The following CDH7 variants were observed in gnomAD, a reference collection of about 807,000 sequenced individuals.
The protein encoded by CDH7 is cadherin 7, also known as cadherin-7.
A neutral mutation model predicts 71.8 loss-of-function variants in CDH7; 25 were observed. The observed-to-expected ratio is 0.35, with a 90% CI of 0.25 to 0.49. The LOEUF (loss-of-function observed/expected upper bound fraction) is 0.49. Ranked by LOEUF, CDH7 falls within the 20% of genes least tolerant of loss-of-function variation. The probability of loss-of-function intolerance (pLI) is 0.99; values close to 1 mark genes in which losing one functional copy is unlikely to be tolerated. For missense variants in CDH7, 862 were observed against 974.6 expected (o/e 0.88, Z 1.54); for synonymous variants, 381 against 363.8 (o/e 1.05, Z -0.54).
At chr18:65,762,473 A>G (rs142460763) in intron 1 of CDH7, among the ~76,000 whole-genome samples, 174 bp from the exon 2 acceptor site, 2 of 152,242 alleles carry the variant, frequency 1.3e-5, no homozygotes, top group East Asian at 3.9e-4. Context: ...ATATCAATGT[A>G]TATTATAATT....
chr18:65,822,963 A>G (rs981266628), intron 5 of CDH7, among the ~76,000 whole-genome samples: 1 of 151,770 alleles, frequency 6.6e-6, no homozygotes, highest in Non-Finnish European at 1.5e-5. Context: ...CCCTAAGTGT[A>G]TGTGTTATTT....
rs1345213402 is a variant in CDH7, at chr18:65,822,118, G to A, written c.663G>A (p.Glu221=). The A allele has an allele frequency of 3.1e-6, 5 of 1,613,100 alleles. No homozygotes were observed. The highest frequency in any genetic ancestry group is 2.2e-5 in the East Asian group (1 of 44,826). ...CTGCCCTTCCAAACATGGATAGAGA[G>A]GCTAAAGACCAGTATTTGCTTGTCA... The part of the protein sequence containing the change: ...IKTALPNMDR[E]AKDQYLLVIQ... The change falls in exon 5 of 12, where the codon GAG becomes GAA. Residue 221 remains glutamate, a synonymous_variant. Transcript: ENST00000397968.
chr18:65,866,958 T>C (rs892599576), intron 11 of CDH7, among the ~76,000 whole-genome samples: 3 of 152,038 alleles, frequency 2.0e-5, no homozygotes, highest in Admixed American at 6.6e-5. Context: ...CATCATAAAA[T>C]AATCAATTAG....
intron 6 of CDH7, among the ~76,000 whole-genome samples, chr18:65,825,988 G>A (rs940445749): frequency 5.3e-5 from 8 of 151,654 alleles, no homozygotes; most frequent in African/African-American, 1.9e-4. Context: ...CAAATTGAAA[G>A]TTTTTATTGA....
chr18:65,865,966 G>A (rs1913738939), intron 11 of CDH7: 1 of 152,108 alleles, frequency 6.6e-6, no homozygotes, highest in African/African-American at 2.4e-5. Context: ...TGAGGAGGTG[G>A]AGATGGGGAA....
At chr18:65,781,600 T>TA (rs1487023984) in intron 2 of CDH7, among the ~76,000 whole-genome samples, 3 of 152,132 alleles carry the variant, frequency 2.0e-5, no homozygotes, top group Non-Finnish European at 4.4e-5. Flanking sequence ...ATAATACATG[T>TA]AATTCAAATC....
chr18:65,808,387 G>T lies in CDH7; in HGVS notation c.211-1317G>T, dbSNP rs1013136027. ...GACAGTTAAATAATTCACAATAGTT[G>T]AAGAACACACCTTTTCCCTACACTG... is the stretch of plus-strand genomic sequence containing the variant. On this transcript the variant is annotated intron_variant, in intron 2 of 11. Transcript: ENST00000397968. Among the ~76,000 whole-genome samples the T allele has an allele frequency of 8.5e-5, 13 of 152,130 alleles. No homozygotes were observed. The East Asian group carries it at 2.5e-3, about 29-fold the overall frequency.
At position 65,857,328 on chromosome 18, in the gene CDH7, T is replaced by G. The variant is rs1362644343; in HGVS notation, c.1236-488T>G. 3.7e-5 allele frequency among the ~76,000 whole-genome samples: 5 copies of G among 133,382 alleles called. No homozygotes were observed. In the East Asian group the frequency reaches 9.0e-4, roughly 24 times the overall value. The allele number at this position is 133,382 out of a possible 152,430, so 87.5% of individuals were successfully genotyped here. Reference sequence around the variant, plus strand: ...CAAGACCCTGCATCTATAATAATAATAATAATAATAATAATAATAATAATA... The same window carrying G: ...CAAGACCCTGCATCTATAATAATAAGAATAATAATAATAATAATAATAATA... On this transcript the variant is annotated intron_variant, in intron 7 of 11. Transcript: ENST00000397968.
At chr18:65,809,642 C>T in intron 2 of CDH7, 62 bp from the exon 3 acceptor site, 2 of 1,334,726 alleles carry the variant, frequency 1.5e-6, no homozygotes, top group Non-Finnish European at 1.0e-6. Context: ...ATTATTTTTA[C>T]ATATCTCCAT....
intron 6 of CDH7, among the ~76,000 whole-genome samples, chr18:65,833,014 C>T (rs1181454725): frequency 3.3e-5 from 5 of 152,074 alleles, no homozygotes; most frequent in Non-Finnish European, 5.9e-5. Flanking sequence ...ATTTGGTGGT[C>T]CACTTTGTCA....
At chr18:65,831,629 A>G (rs959110487) in intron 6 of CDH7, among the ~76,000 whole-genome samples, 12 of 152,042 alleles carry the variant, frequency 7.9e-5, no homozygotes, top group Non-Finnish European at 1.2e-4. Context: ...CATGGAGCCT[A>G]CATTATACCC....
At chr18:65,777,511 TTA>T (rs1365227498) in intron 2 of CDH7, among the ~76,000 whole-genome samples, 1 of 151,850 alleles carries the variant, frequency 6.6e-6, no homozygotes, top group East Asian at 1.9e-4. Flanking sequence ...ATGGATATAT[TTA>T]TGTTTTATCC....
chr18:65,801,484 A>T (rs1481481599), intron 2 of CDH7, among the ~76,000 whole-genome samples: 1 of 152,232 alleles, frequency 6.6e-6, no homozygotes, highest in African/African-American at 2.4e-5. Flanking sequence ...CATTGAGACC[A>T]ACTTTTCTAA....
At chr18:65,845,477 A>G (rs777811369) in intron 7 of CDH7, among the ~76,000 whole-genome samples, 45 of 152,112 alleles carry the variant, frequency 3.0e-4, no homozygotes, top group Admixed American at 4.6e-4. Context: ...ATGGTCAAGA[A>G]AACTTTCTGA....
intron 2 of CDH7, among the ~76,000 whole-genome samples, chr18:65,798,668 G>A (rs1911004273): frequency 6.6e-6 from 1 of 152,210 alleles, no homozygotes; most frequent in South Asian, 2.1e-4. Context: ...GAGGTCAGGA[G>A]TAGGGAAGGG....
At chr18:65,874,231 A>G (rs1914007043) in intron 11 of CDH7, among the ~76,000 whole-genome samples, 1 of 152,194 alleles carries the variant, frequency 6.6e-6, no homozygotes, top group Non-Finnish European at 1.5e-5. Context: ...GTGATATTTA[A>G]CAGATACAAA....
chr18:65,839,106 C>G (rs112514005), intron 6 of CDH7, among the ~76,000 whole-genome samples: 2,791 of 152,208 alleles, frequency 0.018, 81 homozygotes, highest in African/African-American at 0.063. Flanking sequence ...TATATATGAC[C>G]ATGAGTTCAT....
chr18:65,829,442 G>A (rs192531110), intron 6 of CDH7, among the ~76,000 whole-genome samples: 2 of 141,542 alleles, frequency 1.4e-5, no homozygotes, highest in South Asian at 2.3e-4. Flanking sequence ...TATCTGAAAC[G>A]TTGCTGTTTG....
rs759110795 is a variant in CDH7, at chr18:65,880,881, G to A, written c.2345G>A (p.Ser782Asn). The A allele has an allele frequency of 3.1e-6, 5 of 1,602,876 alleles. No individual in the cohort carries two copies. In the Admixed American group the frequency reaches 6.9e-5, roughly 22 times the overall value. Reference sequence around the variant, plus strand: ...GACATGTATGGGACTGGCCAAGAGAGTTTGTACTCATAGCCTTGGAACCTT... The same window carrying A: ...GACATGTATGGGACTGGCCAAGAGAATTTGTACTCATAGCCTTGGAACCTT... ...LADMYGTGQE[S>N]LYS Residue 782 changes from serine to asparagine, a missense_variant, in exon 12 of 12, where the codon AGT becomes AAT. By Grantham distance (46) the Ser-to-Asn change is conservative. Transcript: ENST00000397968.
Sources: allele counts gnomAD v4.1 joint callset (sites outside exome capture counted in the v4.1 genomes callset), GRCh38; gene constraint gnomAD v4.1.1; transcripts MANE v1.5; gene names NCBI Gene and HGNC (gene_info 2026-07-23, HGNC 2026-07-21).